ADAMTS20: variants seen among roughly 807,000 people sequenced by gnomAD.
ADAMTS20 encodes the protein A disintegrin and metalloproteinase with thrombospondin motifs 20.
ADAMTS20 carries 225 observed loss-of-function variants against 260.1 expected under a neutral mutation model. The observed-to-expected ratio is 0.87, with a 90% CI of 0.78 to 0.97. The LOEUF is 0.97. Ranked by LOEUF, ADAMTS20 falls within the 50% of genes least tolerant of loss-of-function variation. The probability of loss-of-function intolerance (pLI) is 0.00; values close to 1 mark genes in which losing one functional copy is unlikely to be tolerated. For missense variants in ADAMTS20, 2,400 were observed against 2,337.7 expected, an observed-to-expected ratio of 1.03 and a Z score of -0.55; for synonymous variants, 802 against 769.5, an observed-to-expected ratio of 1.04 and a Z score of -0.70.
Position 43,493,036 on chromosome 12 carries a change from T to C in ADAMTS20, c.951+134A>G, listed in dbSNP as rs939801669. ...TTTCCATCACAACAAATAAGGGTAA[T>C]CTCATTCCTTCTCAAATCAAGTCTT... On this transcript the variant is annotated intron_variant, in intron 5 of 38. Transcript: ENST00000389420. The C allele has an allele frequency of 1.8e-5, 12 of 675,542 alleles. No individual in the cohort carries two copies. In the Middle Eastern group the frequency reaches 2.4e-3, roughly 134 times the overall value. The allele number at this position is 675,542 out of a possible 1,614,324, so 41.8% of individuals were successfully genotyped here.
At chr12:43,432,542 A>C (rs1941466806) in intron 20 of ADAMTS20, 59 bp downstream of exon 20, 9 of 1,604,786 alleles carry the variant, frequency 5.6e-6, no homozygotes, top group Non-Finnish European at 6.8e-6. Context: ...TCAGAGTAAC[A>C]TAAATACGTA....
intron 7 of ADAMTS20, among the ~76,000 whole-genome samples, chr12:43,471,989 T>C (rs11182094): frequency 0.015 from 2,238 of 151,818 alleles, 49 homozygotes; most frequent in Non-Finnish European, 0.017. Flanking sequence ...GGATGGAGAA[T>C]GACTTTGACG....
downstream of ADAMTS20, among the ~76,000 whole-genome samples, chr12:43,352,849 A>G (rs1939666029): frequency 6.6e-6 from 1 of 152,194 alleles, no homozygotes; most frequent in Non-Finnish European, 1.5e-5. Flanking sequence ...AAAATGTCAC[A>G]CATTTTGTCT....
chr12:43,532,008 C>G (rs1415076500), intron 3 of ADAMTS20, 28 bp downstream of exon 3: 3 of 1,420,982 alleles, frequency 2.1e-6, no homozygotes, highest in Admixed American at 2.3e-5. Flanking sequence ...CACTATTTAG[C>G]TGAAAAGAGT....
chr12:43,357,354 T>G (rs77828638), intron 37 of ADAMTS20, among the ~76,000 whole-genome samples: 3,422 of 152,290 alleles, frequency 0.022, 56 homozygotes, highest in East Asian at 0.085. Flanking sequence ...AATATCTCAA[T>G]GGCTTAAGAC....
At chr12:43,545,770 A>G (rs1305727185) in intron 2 of ADAMTS20, among the ~76,000 whole-genome samples, 1 of 141,660 alleles carries the variant, frequency 7.1e-6, no homozygotes, top group African/African-American at 2.4e-5. Flanking sequence ...CAACATTCTC[A>G]TCCTTTTTTT....
chr12:43,415,628 T>A (rs977046857), intron 28 of ADAMTS20, among the ~76,000 whole-genome samples: 14 of 152,196 alleles, frequency 9.2e-5, no homozygotes, highest in Admixed American at 6.5e-5. Flanking sequence ...AGCTACTATT[T>A]TCATTCTAAG....
intron 14 of ADAMTS20, among the ~76,000 whole-genome samples, chr12:43,451,076 C>A (rs2137349147): frequency 6.6e-6 from 1 of 152,220 alleles, no homozygotes; most frequent in Admixed American, 6.5e-5. Flanking sequence ...GGTTTATATA[C>A]AAAATGGTAT....
At chr12:43,389,176 A>C (rs1940546105) in intron 29 of ADAMTS20, among the ~76,000 whole-genome samples, 1 of 152,182 alleles carries the variant, frequency 6.6e-6, no homozygotes, top group African/African-American at 2.4e-5. Context: ...AAGTCTATAA[A>C]GTCCAGACTC....
chr12:43,367,282 G>T (rs1366830065), intron 37 of ADAMTS20, among the ~76,000 whole-genome samples: 1 of 151,872 alleles, frequency 6.6e-6, no homozygotes, highest in Non-Finnish European at 1.5e-5. Context: ...AAATATGAAT[G>T]AAATATTCTC....
intron 29 of ADAMTS20, among the ~76,000 whole-genome samples, chr12:43,390,218 A>G (rs1003062355): frequency 2.6e-5 from 4 of 152,182 alleles, no homozygotes; most frequent in Non-Finnish European, 1.5e-5. Context: ...CCATCCTTCC[A>G]TTGTCTTAGA....
intron 16 of ADAMTS20, among the ~76,000 whole-genome samples, chr12:43,442,640 A>C (rs1414186295): frequency 6.6e-6 from 1 of 152,196 alleles, no homozygotes; most frequent in Non-Finnish European, 1.5e-5. Context: ...AATCTAAGAG[A>C]TACCTATTAA....
chr12:43,499,486 A>ATT (rs71091160), intron 4 of ADAMTS20, among the ~76,000 whole-genome samples: 4 of 126,102 alleles, frequency 3.2e-5, no homozygotes, highest in African/African-American at 1.2e-4. Context: ...GATGATACTG[A>ATT]TTTTTTTTTT....
intron 3 of ADAMTS20, among the ~76,000 whole-genome samples, chr12:43,530,475 C>A (rs1279867311): frequency 6.6e-6 from 1 of 152,138 alleles, no homozygotes; most frequent in Non-Finnish European, 1.5e-5. Flanking sequence ...AGATTTAAAA[C>A]ACGGCCTTAG....
chr12:43,370,496 C>A (rs1456592781), intron 36 of ADAMTS20, among the ~76,000 whole-genome samples: 1 of 152,214 alleles, frequency 6.6e-6, no homozygotes, highest in Admixed American at 6.5e-5. Flanking sequence ...AGAGACACAA[C>A]TTTCAAAGCA....
chr12:43,490,381 A>G lies in ADAMTS20; in HGVS notation c.1117+14T>C, dbSNP rs1407334067. 7 of 1,203,972 alleles carry G rather than the reference A, an allele frequency of 5.8e-6. No homozygotes were observed. The highest frequency in any genetic ancestry group is 7.9e-6 in the Non-Finnish European group (7 of 881,466). The allele number at this position is 1,203,972 out of a possible 1,614,324, so 74.6% of individuals were successfully genotyped here. A position where few individuals can be genotyped will look rare whatever the true frequency, so the allele number is the denominator to read the frequency against. ...CAATTACATAAGCTAAACTTAATTG[A>G]CAAAATAACTTACCTAACATGTTAC... On this transcript the variant is annotated intron_variant, in intron 7 of 38. Coordinates refer to ENST00000389420, the MANE Select transcript of ADAMTS20 (RefSeq NM_025003.5).
chr12:43,369,259 A>G, intron 37 of ADAMTS20, 31 bp downstream of exon 37: 3 of 1,344,516 alleles, frequency 2.2e-6, no homozygotes, highest in Non-Finnish European at 9.8e-7. Context: ...TTTCACAAAG[A>G]AAGAAAATTA....
At position 43,428,382 on chromosome 12, in the gene ADAMTS20, G is replaced by A; in HGVS notation, c.3804C>T (p.Ser1268=). The A allele has an allele frequency of 1.2e-6, 2 of 1,613,856 alleles. No individual in the cohort carries two copies. The highest frequency in any genetic ancestry group is 1.7e-6 in the Non-Finnish European group (2 of 1,179,858). ...CSLAACPPAH[S]HFPSSPVQPS... ...GCTGCACAGGGGAACTAGGAAAGTG[G>A]CTGTGTGCAGGAGGGCAGGCTGCCA... Residue 1268 remains serine, a synonymous_variant, in exon 26 of 39, where the codon AGC becomes AGT. Coordinates refer to ENST00000389420, the MANE Select transcript of ADAMTS20 (RefSeq NM_025003.5).
chr12:43,478,043 A>G (rs1276539166), intron 7 of ADAMTS20, among the ~76,000 whole-genome samples: 1 of 152,184 alleles, frequency 6.6e-6, no homozygotes, highest in Non-Finnish European at 1.5e-5. Context: ...AACATACGTA[A>G]AAGAAGAAAT....
Sources: gnomAD v4.1 joint callset for allele counts (sites outside exome capture counted in the v4.1 genomes callset) on GRCh38, gnomAD v4.1.1 for gene constraint, MANE v1.5 for transcripts, NCBI Gene and HGNC (gene_info 2026-07-23, HGNC 2026-07-21) for gene names.